The following PTK2B variants were observed in gnomAD, a reference collection of about 807,000 sequenced individuals.
PTK2B encodes the protein protein-tyrosine kinase 2-beta.
PTK2B carries 71 observed loss-of-function variants against 142.9 expected under a neutral mutation model. The observed-to-expected ratio is 0.50, with a 90% confidence interval of 0.41 to 0.61. The LOEUF is 0.61. Ranked by LOEUF, PTK2B falls within the 20% of genes least tolerant of loss-of-function variation. The pLI is 0.00. For synonymous variants in PTK2B, 519 were observed against 503.4 expected (o/e 1.03, Z -0.42); for missense variants, 1,105 against 1,320.4 (o/e 0.84, Z 2.53).
chr8:27,361,877 C>G (rs951464400), intron 1 of PTK2B, among the ~76,000 whole-genome samples: 8 of 152,128 alleles, frequency 5.3e-5, no homozygotes, highest in African/African-American at 1.9e-4. Context: ...CTGATAACCC[C>G]GATGATGCAG....
At chr8:27,355,286 G>A (rs1203425779) in intron 1 of PTK2B, among the ~76,000 whole-genome samples, 1 of 152,142 alleles carries the variant, frequency 6.6e-6, no homozygotes, top group Non-Finnish European at 1.5e-5. Context: ...GTAAGAGAAG[G>A]CAGTGCAACA....
At chr8:27,443,668 C>T (rs759856198) in intron 22 of PTK2B, among the ~76,000 whole-genome samples, 7 of 152,196 alleles carry the variant, frequency 4.6e-5, no homozygotes, top group Non-Finnish European at 1.0e-4. Context: ...CAAAAACCTG[C>T]ACTTCCTTAA....
At chr8:27,351,012 T>A (rs373145810) in intron 1 of PTK2B, among the ~76,000 whole-genome samples, 11,755 of 25,784 alleles carry the variant, frequency 0.46, 4,531 homozygotes, top group Non-Finnish European at 0.61. Context: ...TATATATATA[T>A]ATATATATAT....
chr8:27,403,003 G>A (rs1382465621), intron 2 of PTK2B, among the ~76,000 whole-genome samples: 1 of 152,222 alleles, frequency 6.6e-6, no homozygotes, highest in Non-Finnish European at 1.5e-5. Flanking sequence ...GTGCCTGTGT[G>A]GGGATGCAGT....
At position 27,459,141 on chromosome 8, in the gene PTK2B, A is replaced by G. The variant is rs1026306460; in HGVS notation, c.*632A>G. ...AGGATGCTGTGTTGTCAACAAACCA[A>G]GCATCAGGGGGAAGAAGCAGAGAGA... On this transcript the variant is annotated 3_prime_UTR_variant, in exon 31 of 31. Coordinates refer to ENST00000346049, the MANE Select transcript of PTK2B (RefSeq NM_173176.3). 9 of 237,008 alleles carry G rather than the reference A, an allele frequency of 3.8e-5. No homozygotes were observed. Among genetic ancestry groups the G allele is most frequent in the African/African-American group, 2.0e-4 (9 of 45,352 alleles). The allele number at this position is 237,008 out of a possible 1,614,324, so 14.7% of individuals were successfully genotyped here.
At chr8:27,414,790 C>G (rs1182405143) in intron 2 of PTK2B, among the ~76,000 whole-genome samples, 1 of 152,052 alleles carries the variant, frequency 6.6e-6, no homozygotes, top group Non-Finnish European at 1.5e-5. Flanking sequence ...GCTCACTCCC[C>G]CCTTTGGTTA....
chr8:27,444,057 A>T lies in PTK2B; in HGVS notation c.2149-149A>T, dbSNP rs1384166008. The T allele has an allele frequency of 5.1e-6, 4 of 780,434 alleles. No homozygotes were observed. In the Middle Eastern group the frequency reaches 7.6e-4, roughly 149 times the overall value. 48.3% of individuals were successfully genotyped at this position (780,434 alleles called of 1,614,324 possible). A position where few individuals can be genotyped will look rare whatever the true frequency, so the allele number is the denominator to read the frequency against. ...TAGATAATCAGTGCTCAATAAATGG[A>T]TGCAAAATGAGTTTCATGACAGCTT... On this transcript the variant is annotated intron_variant, in intron 22 of 30. Coordinates refer to ENST00000346049, the MANE Select transcript of PTK2B (RefSeq NM_173176.3).
Position 27,454,217 on chromosome 8 carries a change from C to T in PTK2B, c.2659C>T (p.Leu887=), listed in dbSNP as rs1811999072. 6.2e-7 allele frequency: 1 copy of T among 1,614,144 alleles called. No individual in the cohort carries two copies. Among genetic ancestry groups the T allele is most frequent in the Non-Finnish European group, 8.5e-7 (1 of 1,180,018 alleles). Residue 887 remains leucine (L), a synonymous_variant, in exon 29 of 31, where the codon CTG becomes TTG. Transcript: ENST00000346049. ...CCTGGTGTACCTCAATGTCATGGAGCTGGTGCGGGCCGTGCTGGAGCTCAA... is the reference window on the plus strand; with the variant it reads ...CCTGGTGTACCTCAATGTCATGGAGTTGGTGCGGGCCGTGCTGGAGCTCAA... ...DDLVYLNVME[L]VRAVLELKNE... is the part of the protein sequence containing the mutation.
chr8:27,345,131 C>T (rs182012133), intron 1 of PTK2B, among the ~76,000 whole-genome samples: 42 of 152,310 alleles, frequency 2.8e-4, no homozygotes, highest in Admixed American at 6.5e-4. Context: ...CCACTGCACT[C>T]CAGCCTGGGA....
chr8:27,364,428 C>T (rs964523484), intron 1 of PTK2B, among the ~76,000 whole-genome samples: 4 of 152,234 alleles, frequency 2.6e-5, no homozygotes, highest in Admixed American at 2.6e-4. Context: ...AAACATAGCA[C>T]ATTTACAATA....
chr8:27,422,581 C>A (rs112028727), intron 5 of PTK2B, among the ~76,000 whole-genome samples, 198 bp downstream of exon 5: 1 of 152,194 alleles, frequency 6.6e-6, no homozygotes, highest in Non-Finnish European at 1.5e-5. Context: ...TGGGCCAGCC[C>A]CCTCCCTAGT....
intron 1 of PTK2B, among the ~76,000 whole-genome samples, chr8:27,340,072 C>T (rs1307118359): frequency 6.6e-6 from 1 of 152,234 alleles, no homozygotes; most frequent in African/African-American, 2.4e-5. Flanking sequence ...GAATTGGTGG[C>T]TTTGACATGG....
chr8:27,310,728 C>G, upstream of PTK2B: 1 of 1,473,778 alleles, frequency 6.8e-7, no homozygotes, highest in Non-Finnish European at 9.1e-7. Context: ...GCAGGAGGGG[C>G]GGGAGCCGCA....
intron 1 of PTK2B, among the ~76,000 whole-genome samples, chr8:27,375,704 T>G (rs754667383): frequency 6.6e-6 from 1 of 152,170 alleles, no homozygotes; most frequent in African/African-American, 2.4e-5. Flanking sequence ...CCCTGTCCCA[T>G]GTGCCTCTCC....
chr8:27,352,371 A>G (rs1805149049), intron 1 of PTK2B, among the ~76,000 whole-genome samples: 1 of 152,238 alleles, frequency 6.6e-6, no homozygotes, highest in Non-Finnish European at 1.5e-5. Flanking sequence ...TGTTCCTGCA[A>G]AAAACAAAAG....
At chr8:27,324,099 A>C (rs879329514), upstream of PTK2B, among the ~76,000 whole-genome samples, 4 of 152,230 alleles carry the variant, frequency 2.6e-5, no homozygotes, top group Admixed American at 2.6e-4. Flanking sequence ...ACCCACTGTC[A>C]GATGCCCTCT....
At chr8:27,330,145 A>T (rs1008869103) in intron 1 of PTK2B, among the ~76,000 whole-genome samples, 7 of 152,174 alleles carry the variant, frequency 4.6e-5, no homozygotes, top group Non-Finnish European at 8.8e-5. Flanking sequence ...AACAACCCAG[A>T]TGCACCCGCT....
chr8:27,373,678 T>C (rs751048472), intron 1 of PTK2B, among the ~76,000 whole-genome samples: 3 of 151,976 alleles, frequency 2.0e-5, no homozygotes, highest in Non-Finnish European at 4.4e-5. Flanking sequence ...CAAGACTCTG[T>C]TTCTAAAATA....
At chr8:27,364,092 C>T (rs1032553033) in intron 1 of PTK2B, among the ~76,000 whole-genome samples, 6 of 152,304 alleles carry the variant, frequency 3.9e-5, no homozygotes, top group African/African-American at 9.6e-5. Flanking sequence ...ATCAGCGTCC[C>T]GTTTTACAGA....
Sources: allele counts gnomAD v4.1 joint callset (sites outside exome capture counted in the v4.1 genomes callset), GRCh38; gene constraint gnomAD v4.1.1; transcripts MANE v1.5; gene names NCBI Gene and HGNC (gene_info 2026-07-23, HGNC 2026-07-21).